Variants in PSME4 observed in about 807,000 individuals in gnomAD.
The protein encoded by PSME4 is proteasome activator complex subunit 4.
PSME4 carries 89 observed loss-of-function variants against 253.9 expected under a neutral mutation model. The ratio of observed to expected loss-of-function variants is 0.35; its 90% CI spans 0.30 to 0.42. PSME4 has a LOEUF of 0.42. Among genes scored for constraint, PSME4 ranks in the 10% least tolerant of loss-of-function variants. The pLI is 1.00. For synonymous variants in PSME4, 851 were observed against 759.2 expected, an observed-to-expected ratio of 1.12 and a Z score of -1.99; for missense variants, 2,014 against 2,195.2, an observed-to-expected ratio of 0.92 and a Z score of 1.65.
chr2:53,947,677 G>A (rs889656488), intron 3 of PSME4, among the ~76,000 whole-genome samples: 1 of 151,426 alleles, frequency 6.6e-6, no homozygotes, highest in Non-Finnish European at 1.5e-5. Context: ...CTGCACTCCA[G>A]CCTGGGCGAC....
intron 7 of PSME4, among the ~76,000 whole-genome samples, chr2:53,935,488 G>GTT (rs1238037129): frequency 6.6e-6 from 1 of 152,106 alleles, no homozygotes; most frequent in Admixed American, 6.6e-5. Flanking sequence ...TCTACCACAG[G>GTT]TGAAATAGTA....
intron 34 of PSME4, among the ~76,000 whole-genome samples, chr2:53,894,646 C>T (rs956173414): frequency 6.7e-6 from 1 of 148,962 alleles, no homozygotes; most frequent in African/African-American, 2.6e-5. Flanking sequence ...CATGCATTTA[C>T]GGAGATCCCA....
chr2:53,941,529 T>C (rs1303294126), intron 3 of PSME4, among the ~76,000 whole-genome samples: 1 of 151,996 alleles, frequency 6.6e-6, no homozygotes, highest in Non-Finnish European at 1.5e-5. Flanking sequence ...CCAAAGTGCT[T>C]ATAAAAAGGC....
At chr2:53,898,130 T>G (rs770304124) in intron 30 of PSME4, 131 bp from the exon 31 acceptor site, 1 of 1,190,808 alleles carries the variant, frequency 8.4e-7, no homozygotes, top group Non-Finnish European at 1.2e-6. Flanking sequence ...ATACTGCTCC[T>G]ATCATTAATC....
chr2:53,950,723 C>G (rs1431812375), intron 1 of PSME4, among the ~76,000 whole-genome samples: 1 of 151,868 alleles, frequency 6.6e-6, no homozygotes, highest in Non-Finnish European at 1.5e-5. Context: ...TGCCTGTAAT[C>G]CCAGCTACTA....
In PSME4 at chr2:53,965,102, G is replaced by GACAC. The variant is rs142563935; in HGVS notation, c.242+5437_242+5440dup. On this transcript the variant is annotated intron_variant, in intron 1 of 46. Coordinates refer to ENST00000404125, the MANE Select transcript of PSME4 (RefSeq NM_014614.3). ...TTCTGTTTAAACACACACACACACAGACACACACACACACACACGAATCAT... is the reference window on the plus strand; with the variant it reads ...TTCTGTTTAAACACACACACACACAGACACACACACACACACACACACGAATCAT... Among the ~76,000 whole-genome samples, 216 of 149,154 alleles carry GACAC rather than the reference G, an allele frequency of 1.4e-3. 1 individual carries two copies. Among genetic ancestry groups the GACAC allele is most frequent in the African/African-American group, 5.2e-3 (211 of 40,418 alleles).
intron 20 of PSME4, among the ~76,000 whole-genome samples, chr2:53,914,620 C>T (rs929568037): frequency 6.6e-5 from 10 of 152,308 alleles, no homozygotes; most frequent in Admixed American, 4.6e-4. Context: ...CAGTGGCTCA[C>T]GCCTGTGATC....
intron 6 of PSME4, 113 bp downstream of exon 6, chr2:53,936,651 C>G: frequency 2.8e-6 from 2 of 711,108 alleles, no homozygotes; most frequent in Non-Finnish European, 4.5e-6. Flanking sequence ...TAAGGAACTT[C>G]AAGTTACTTA....
At chr2:53,870,279 G>A (rs536869350) in intron 43 of PSME4, 1 of 151,420 alleles carries the variant, frequency 6.6e-6, no homozygotes, top group Admixed American at 6.6e-5. Flanking sequence ...TCTTTGCTGC[G>A]TTCATTACAC....
At chr2:53,967,079 G>A (rs1670772301) in intron 1 of PSME4, among the ~76,000 whole-genome samples, 1 of 152,278 alleles carries the variant, frequency 6.6e-6, no homozygotes, top group African/African-American at 2.4e-5. Flanking sequence ...GTGTCCATGA[G>A]CTGTCTGCCA....
intron 31 of PSME4, 111 bp from the exon 32 acceptor site, chr2:53,896,996 G>A (rs934039392): frequency 9.0e-5 from 71 of 786,298 alleles, no homozygotes; most frequent in Non-Finnish European, 1.3e-4. Context: ...AAAACACCTC[G>A]CCTATCGACA....
chr2:53,880,600 T>G (rs1347849131), intron 41 of PSME4, among the ~76,000 whole-genome samples: 1 of 152,192 alleles, frequency 6.6e-6, no homozygotes, highest in Non-Finnish European at 1.5e-5. Flanking sequence ...AGAGGCAATT[T>G]TGTGTAATGA....
intron 20 of PSME4, among the ~76,000 whole-genome samples, chr2:53,916,376 A>G (rs566639290): frequency 2.0e-5 from 3 of 152,316 alleles, no homozygotes; most frequent in East Asian, 3.9e-4. Context: ...TATTTTCCTC[A>G]GACATCTTAG....
At chr2:53,908,732 C>A in intron 22 of PSME4, 52 bp downstream of exon 22, 1 of 1,494,174 alleles carries the variant, frequency 6.7e-7, no homozygotes, top group South Asian at 1.2e-5. Context: ...GATTAAAATT[C>A]CAAAATACTT....
At chr2:53,956,433 G>A (rs896745615) in intron 1 of PSME4, among the ~76,000 whole-genome samples, 1 of 151,762 alleles carries the variant, frequency 6.6e-6, no homozygotes, top group Non-Finnish European at 1.5e-5. Flanking sequence ...GGGGGGCTGA[G>A]GCAGGAGAAT....
chr2:53,934,104 T>C (rs1051557074), intron 8 of PSME4, among the ~76,000 whole-genome samples: 1 of 152,252 alleles, frequency 6.6e-6, no homozygotes, highest in Non-Finnish European at 1.5e-5. Context: ...TATTCTTATA[T>C]GAAAGATGAC....
chr2:53,954,505 C>A (rs1012694129), intron 1 of PSME4, among the ~76,000 whole-genome samples: 2 of 151,978 alleles, frequency 1.3e-5, no homozygotes, highest in African/African-American at 4.8e-5. Flanking sequence ...GTAATAATAA[C>A]AAATTAATAA....
At chr2:53,946,364 G>A (rs1345063784) in intron 3 of PSME4, among the ~76,000 whole-genome samples, 2 of 152,128 alleles carry the variant, frequency 1.3e-5, no homozygotes, top group Non-Finnish European at 2.9e-5. Context: ...AAGGATAACT[G>A]ATCTGAACAC....
At chr2:53,911,781 A>ACTGT (rs1226065415) in intron 20 of PSME4, among the ~76,000 whole-genome samples, 4 of 152,198 alleles carry the variant, frequency 2.6e-5, no homozygotes, top group Admixed American at 2.6e-4. Context: ...CACTTTAGTT[A>ACTGT]CTGTCATATT....
Sources: allele counts gnomAD v4.1 joint callset (sites outside exome capture counted in the v4.1 genomes callset), GRCh38; gene constraint gnomAD v4.1.1; transcripts MANE v1.5; gene names NCBI Gene and HGNC (gene_info 2026-07-23, HGNC 2026-07-21).